Variants in ETV4 observed in about 807,000 individuals in gnomAD.
ETV4 encodes ETS variant transcription factor 4.
Under a neutral mutation model 65.9 loss-of-function variants are expected in ETV4, and 42 were observed. The observed-to-expected ratio is 0.64, with a 90% CI of 0.50 to 0.82. The LOEUF (loss-of-function observed/expected upper bound fraction) is 0.82. Among genes scored for constraint, ETV4 ranks in the 40% least tolerant of loss-of-function variants. The pLI is 0.00. For synonymous variants in ETV4, 238 were observed against 260.0 expected, an observed-to-expected ratio of 0.92 and a Z score of 0.81; for missense variants, 583 against 630.3, an observed-to-expected ratio of 0.92 and a Z score of 0.80.
intron 8 of ETV4, chr17:43,530,431 C>G (rs1598194683): frequency 1.4e-6 from 2 of 1,398,494 alleles, no homozygotes; most frequent in Non-Finnish European, 1.9e-6. Flanking sequence ...GGGGGCTGGG[C>G]AAGCTGTTCT....
At chr17:43,535,956 C>G (rs931513564) in intron 5 of ETV4, among the ~76,000 whole-genome samples, 1 of 152,128 alleles carries the variant, frequency 6.6e-6, no homozygotes, top group African/African-American at 2.4e-5. Flanking sequence ...ACTAAAAATA[C>G]AAAAATTAGC....
chr17:43,541,742 TCCCTTACCCTG>T, intron 4 of ETV4, among the ~76,000 whole-genome samples: 1 of 152,172 alleles, frequency 6.6e-6, no homozygotes, highest in Middle Eastern at 3.4e-3. Flanking sequence ...GTCACCGCTG[TCCCTTACCCTG>T]CCCCCACCCT....
At chr17:43,529,841 G>A (rs761075392) in intron 10 of ETV4, 43 bp downstream of exon 10, 31 of 1,606,836 alleles carry the variant, frequency 1.9e-5, no homozygotes, top group Middle Eastern at 1.7e-4. Context: ...GGGACACAGC[G>A]TGATAAGACC....
At chr17:43,538,324 TA>T (rs1236510995) in intron 4 of ETV4, among the ~76,000 whole-genome samples, 1 of 151,666 alleles carries the variant, frequency 6.6e-6, no homozygotes, top group Non-Finnish European at 1.5e-5. Context: ...ATAAATAAAA[TA>T]AAAAAGGAGG....
intron 10 of ETV4, 65 bp from the exon 11 acceptor site, chr17:43,529,741 C>A: frequency 1.3e-6 from 2 of 1,590,280 alleles, no homozygotes; most frequent in South Asian, 2.3e-5. Context: ...AACCGCCTCC[C>A]ACCCGAGGGA....
rs1439153979 is a variant in ETV4, at chr17:43,545,435, T to G, written c.61-68A>C. On this transcript the variant is annotated intron_variant, in intron 2 of 12. Transcript: ENST00000319349. ...CTTAGTCTGGGGGACGAGGTTGGGGTCCTCGGGTGACTCAGGGGCGGGGCA... is the reference window on the plus strand; with the variant it reads ...CTTAGTCTGGGGGACGAGGTTGGGGGCCTCGGGTGACTCAGGGGCGGGGCA... 3 of 1,398,494 alleles carry G rather than the reference T, an allele frequency of 2.1e-6. No individual in the cohort carries two copies. The African/African-American group carries it at 4.5e-5, about 21-fold the overall frequency. 86.6% of individuals were successfully genotyped at this position (1,398,494 alleles called of 1,614,324 possible).
intron 12 of ETV4, among the ~76,000 whole-genome samples, 196 bp from the exon 13 acceptor site, chr17:43,528,939 T>G (rs1217643070): frequency 1.3e-5 from 2 of 152,192 alleles, no homozygotes; most frequent in Admixed American, 6.5e-5. Flanking sequence ...TTCTCCATGC[T>G]TGGGCTTCTC....
At chr17:43,540,380 G>A (rs1971461273) in intron 4 of ETV4, among the ~76,000 whole-genome samples, 1 of 152,184 alleles carries the variant, frequency 6.6e-6, no homozygotes, top group African/African-American at 2.4e-5. Flanking sequence ...TTGAACCCAG[G>A]AGGTGGAGGT....
intron 4 of ETV4, 74 bp downstream of exon 4, chr17:43,544,901 G>A (rs1971721060): frequency 7.2e-6 from 10 of 1,393,180 alleles, no homozygotes; most frequent in Non-Finnish European, 1.0e-5. Flanking sequence ...TAGGGCTTAG[G>A]GTGGAATACC....
At chr17:43,543,274 A>ACTCT (rs1250640458) in intron 4 of ETV4, among the ~76,000 whole-genome samples, 23 of 41,518 alleles carry the variant, frequency 5.5e-4, no homozygotes, top group African/African-American at 2.7e-3. Flanking sequence ...TAACACACAC[A>ACTCT]CACTCTCTCT....
chr17:43,537,586 C>T (rs1160394386), intron 4 of ETV4, among the ~76,000 whole-genome samples: 1 of 151,028 alleles, frequency 6.6e-6, no homozygotes, highest in Non-Finnish European at 1.5e-5. Flanking sequence ...ATCCCAGCTA[C>T]TCGGAAGGCT....
At chr17:43,540,498 C>T (rs1373694883) in intron 4 of ETV4, among the ~76,000 whole-genome samples, 1 of 152,136 alleles carries the variant, frequency 6.6e-6, no homozygotes, top group African/African-American at 2.4e-5. Flanking sequence ...TCCCAGTCCC[C>T]TCCTCCGGAG....
rs1277890574 is a variant in ETV4 at position 43,533,788 on chromosome 17, C to G, written c.383+71G>C. 1.9e-6 allele frequency: 3 copies of G among 1,566,214 alleles called. No homozygotes were observed. In the East Asian group the frequency reaches 7.0e-5, roughly 36 times the overall value. On this transcript the variant is annotated intron_variant, in intron 6 of 12. Coordinates refer to ENST00000319349, the MANE Select transcript of ETV4 (RefSeq NM_001079675.5). ...TTGCATCTCAGCTGCTGCCTCTGCT[C>G]ATGGGTGCCCCCTGCCTCCCTCCTC...
At position 43,533,398 on chromosome 17, in the gene ETV4, A is replaced by G. The variant is rs1971067268; in HGVS notation, c.384-50T>C. On this transcript the variant is annotated intron_variant, in intron 6 of 12. Transcript: ENST00000319349. ...TGAGGGGGCAGAGAAGCTGGAAAGC[A>G]TCTTTGAACCCTTCATTCCTAGGAA... 3 of 1,539,426 alleles carry G rather than the reference A, an allele frequency of 1.9e-6. No homozygotes were observed. In the East Asian group the frequency reaches 6.8e-5, roughly 35 times the overall value.
chr17:43,543,396 G>A (rs1422748065), intron 4 of ETV4, among the ~76,000 whole-genome samples: 2 of 152,030 alleles, frequency 1.3e-5, no homozygotes, highest in Non-Finnish European at 2.9e-5. Flanking sequence ...GTAGAGAGAT[G>A]AGAGCATTTT....
intron 1 of ETV4, chr17:43,545,920 C>T (rs1033254129): frequency 1.3e-5 from 7 of 526,360 alleles, no homozygotes; most frequent in African/African-American, 6.0e-5. Flanking sequence ...TACCCGGGCT[C>T]GGTTACATAA....
chr17:43,544,707 A>T (rs1971711064), intron 4 of ETV4: 1 of 352,310 alleles, frequency 2.8e-6, no homozygotes, highest in Non-Finnish European at 5.2e-6. Context: ...CATTCAAATA[A>T]GCAAATACCC....
chr17:43,529,012 C>T, intron 12 of ETV4, 123 bp downstream of exon 12: 1 of 979,362 alleles, frequency 1.0e-6, no homozygotes, highest in Non-Finnish European at 1.6e-6. Flanking sequence ...TTTCTTGTCT[C>T]TCTGACTGAT....
intron 4 of ETV4, among the ~76,000 whole-genome samples, chr17:43,538,954 A>G (rs186379527): frequency 6.6e-6 from 1 of 152,040 alleles, no homozygotes; most frequent in Non-Finnish European, 1.5e-5. Flanking sequence ...GGCCTATACA[A>G]ATACATATCC....
Sources: allele counts gnomAD v4.1 joint callset (sites outside exome capture counted in the v4.1 genomes callset), GRCh38; gene constraint gnomAD v4.1.1; transcripts MANE v1.5; gene names NCBI Gene and HGNC (gene_info 2026-07-23, HGNC 2026-07-21).